FOCAD: variants seen among roughly 807,000 people sequenced by gnomAD.
The protein encoded by FOCAD is KIAA1797.
Under a neutral mutation model 225.6 loss-of-function variants are expected in FOCAD, and 198 were observed. That is an observed-to-expected ratio of 0.88 (90% CI 0.78 to 0.99). FOCAD has a LOEUF of 0.99. FOCAD is among the 50% of genes least tolerant of loss of function. The pLI is 0.00. For missense variants in FOCAD, 2,713 were observed against 2,123.6 expected, an observed-to-expected ratio of 1.28 and a Z score of -5.46; for synonymous variants, 897 against 755.0, an observed-to-expected ratio of 1.19 and a Z score of -3.08.
intron 23 of FOCAD, among the ~76,000 whole-genome samples, chr9:20,914,719 C>A (rs1184792790): frequency 6.6e-6 from 1 of 152,086 alleles, no homozygotes; most frequent in East Asian, 1.9e-4. Flanking sequence ...TTTGTCAGCA[C>A]AAAGAGGACT....
chr9:20,778,728 A>G lies in FOCAD; in HGVS notation c.954A>G (p.Leu318=), dbSNP rs1055089786. The G allele has an allele frequency of 3.1e-5, 50 of 1,612,324 alleles. No homozygotes were observed. Among genetic ancestry groups the G allele is most frequent in the Non-Finnish European group, 4.2e-5 (50 of 1,178,948 alleles). The part of the protein sequence containing the change: ...LVIIGIALLL[L]QTPASQQKPI... ...TAATTGGAATAGCTTTACTACTTCTACAGACTCCAGCAAGTCAGCAGAAGC... is the reference window on the plus strand; with the variant it reads ...TAATTGGAATAGCTTTACTACTTCTGCAGACTCCAGCAAGTCAGCAGAAGC... The change falls in exon 9 of 44, where the codon CTA becomes CTG. Residue 318 remains leucine, a synonymous_variant. Coordinates refer to ENST00000338382, the MANE Select transcript of FOCAD (RefSeq NM_001375567.1).
At position 20,946,638 on chromosome 9, in the gene FOCAD, C is replaced by T. The variant is rs1273735440; in HGVS notation, c.3556-63C>T. ...GGAGTTTGACAGAATATCTTGTCAA[C>T]TAAACCGAGTTCTTTTATTTTTCCT... On this transcript the variant is annotated intron_variant, in intron 29 of 43. Transcript: ENST00000338382. 1.0e-5 allele frequency: 16 copies of T among 1,550,016 alleles called. No homozygotes were observed. The African/African-American group carries it at 2.2e-4, about 22-fold the overall frequency.
At chr9:20,763,962 T>A (rs1829837809) in intron 6 of FOCAD, among the ~76,000 whole-genome samples, 1 of 152,218 alleles carries the variant, frequency 6.6e-6, no homozygotes, top group Admixed American at 6.5e-5. Flanking sequence ...ACAAATTATT[T>A]CACCTCTCTC....
At chr9:20,953,425 G>A (rs957966013) in intron 35 of FOCAD, among the ~76,000 whole-genome samples, 2 of 152,292 alleles carry the variant, frequency 1.3e-5, no homozygotes, top group East Asian at 1.9e-4. Context: ...TTTCTATCCC[G>A]GGATCTGTCT....
intron 1 of FOCAD, among the ~76,000 whole-genome samples, chr9:20,697,689 A>G (rs1169129064): frequency 6.6e-6 from 1 of 152,242 alleles, no homozygotes; most frequent in Non-Finnish European, 1.5e-5. Flanking sequence ...GATGACTAAA[A>G]TTTTGATTTT....
At chr9:20,693,102 G>T (rs565040846) in intron 1 of FOCAD, among the ~76,000 whole-genome samples, 1 of 152,252 alleles carries the variant, frequency 6.6e-6, no homozygotes, top group East Asian at 1.9e-4. Context: ...GCAGTCTTGG[G>T]ATTGTCCTGT....
At chr9:20,876,243 G>C (rs1399660077) in intron 19 of FOCAD, among the ~76,000 whole-genome samples, 1 of 152,078 alleles carries the variant, frequency 6.6e-6, no homozygotes, top group Non-Finnish European at 1.5e-5. Context: ...CTACCTCTTA[G>C]CTTTTCAGAG....
At position 20,819,847 on chromosome 9, in the gene FOCAD, C is replaced by T; in HGVS notation, c.1507C>T (p.Pro503Ser). The change falls in exon 12 of 44, where the codon CCT becomes TCT. Residue 503 changes from proline (P) to serine (S), a missense_variant. By Grantham distance (74) the Pro-to-Ser change is moderately conservative. Coordinates refer to ENST00000338382, the MANE Select transcript of FOCAD (RefSeq NM_001375567.1). The stretch of plus-strand genomic sequence containing the variant: ...GTTCAAATTGGGAAGACCACTGGAA[C>T]CTATATTATATAATGATATATTGTA... ...LMFKLGRPLE[P>S]ILYNDILYTL... 1 of 1,544,706 alleles carries T rather than the reference C, an allele frequency of 6.5e-7. No individual in the cohort carries two copies. The highest frequency in any genetic ancestry group is 8.7e-7 in the Non-Finnish European group (1 of 1,148,042).
chr9:20,790,099 T>C (rs1176737546), intron 11 of FOCAD, among the ~76,000 whole-genome samples: 1 of 152,342 alleles, frequency 6.6e-6, no homozygotes, highest in East Asian at 1.9e-4. Context: ...CTTTGCTATA[T>C]ATGGTACGGA....
intron 39 of FOCAD, 40 bp downstream of exon 39, chr9:20,982,486 C>A: frequency 4.0e-6 from 6 of 1,499,878 alleles, no homozygotes; most frequent in Non-Finnish European, 5.5e-6. Context: ...CATTATTGAG[C>A]CAGAAATTAC....
intron 6 of FOCAD, among the ~76,000 whole-genome samples, chr9:20,762,393 T>G (rs1386764948): frequency 6.6e-6 from 1 of 152,234 alleles, no homozygotes; most frequent in South Asian, 2.1e-4. Context: ...TTTGAGCTTA[T>G]GATAAAAAAA....
intron 11 of FOCAD, among the ~76,000 whole-genome samples, chr9:20,791,572 T>A (rs370801221): frequency 1.9e-4 from 29 of 152,324 alleles, no homozygotes; most frequent in African/African-American, 6.7e-4. Flanking sequence ...ATTTTCAAGG[T>A]ACAGTTTCTT....
At chr9:20,708,773 G>C (rs1189848508) in intron 1 of FOCAD, among the ~76,000 whole-genome samples, 1 of 150,592 alleles carries the variant, frequency 6.6e-6, no homozygotes. Context: ...GAGAGACCCT[G>C]TCTCTTAAGG....
intron 11 of FOCAD, among the ~76,000 whole-genome samples, chr9:20,812,919 G>A (rs755476057): frequency 1.3e-5 from 2 of 152,004 alleles, no homozygotes; most frequent in African/African-American, 2.4e-5. Context: ...TAATTGTACT[G>A]TACAGTATTG....
At position 20,866,918 on chromosome 9, in the gene FOCAD, ACCCT is replaced by A; in HGVS notation, c.2107-10_2107-7del. Reference sequence around the variant, plus strand: ...TTTTTTTTTTTTTTTTTTTTTTTTTACCCTATCTAGGACCCAATTGTAGCAAATG... The same window carrying A: ...TTTTTTTTTTTTTTTTTTTTTTTTTAATCTAGGACCCAATTGTAGCAAATG... On this transcript the variant is annotated splice_region_variant and splice_polypyrimidine_tract_variant and intron_variant, in intron 17 of 43. Coordinates refer to ENST00000338382, the MANE Select transcript of FOCAD (RefSeq NM_001375567.1). The A allele has an allele frequency of 4.3e-5, 4 of 93,304 alleles. No homozygotes were observed. Among genetic ancestry groups the A allele is most frequent in the Non-Finnish European group, 7.3e-5 (4 of 55,020 alleles). 5.8% of individuals were successfully genotyped at this position (93,304 alleles called of 1,614,324 possible).
At chr9:20,760,845 C>T (rs1466179369) in intron 6 of FOCAD, among the ~76,000 whole-genome samples, 6 of 152,022 alleles carry the variant, frequency 3.9e-5, no homozygotes, top group Admixed American at 3.3e-4. Flanking sequence ...TTGCAGTGAG[C>T]GGAGATTGTA....
intron 8 of FOCAD, among the ~76,000 whole-genome samples, chr9:20,771,260 A>C (rs772544573): frequency 6.6e-6 from 1 of 152,246 alleles, no homozygotes; most frequent in South Asian, 2.1e-4. Flanking sequence ...CTTGTCTTCC[A>C]TGCCACACAA....
intron 8 of FOCAD, among the ~76,000 whole-genome samples, chr9:20,777,258 C>CT (rs1369160173): frequency 1.4e-5 from 2 of 146,752 alleles, no homozygotes; most frequent in Non-Finnish European, 3.0e-5. Context: ...GCAGGTGGTC[C>CT]TTTAACATGT....
intron 1 of FOCAD, among the ~76,000 whole-genome samples, chr9:20,699,752 AAAAAAAAAAAAAAAAAAAAAAATAT>A (rs1435149086): frequency 4.2e-3 from 217 of 51,352 alleles, no homozygotes; most frequent in South Asian, 0.015. Context: ...AAAAAAAAAA[AAAAAAAAAAAAAAAAAAAAAAATAT>A]ATATATATAT....
Sources: allele counts gnomAD v4.1 joint callset (sites outside exome capture counted in the v4.1 genomes callset), GRCh38; gene constraint gnomAD v4.1.1; transcripts MANE v1.5; gene names NCBI Gene and HGNC (gene_info 2026-07-23, HGNC 2026-07-21).